The following LPP variants were observed in gnomAD, a reference collection of about 807,000 sequenced individuals.
LPP encodes the protein LIM domain containing preferred translocation partner in lipoma, also known as lipoma-preferred partner.
A neutral mutation model predicts 60.4 loss-of-function variants in LPP; 38 were observed. The ratio of observed to expected loss-of-function variants is 0.63; its 90% CI spans 0.49 to 0.83. The LOEUF (loss-of-function observed/expected upper bound fraction) is 0.83, where lower values mean the gene tolerates loss of function less well. Ranked by LOEUF, LPP falls within the 40% of genes least tolerant of loss-of-function variation. The pLI is 0.00. For synonymous variants in LPP, 328 were observed against 290.8 expected (o/e 1.13, Z -1.30); for missense variants, 902 against 783.6 (o/e 1.15, Z -1.80).
chr3:188,486,629 C>T lies in LPP; in HGVS notation c.306+1925C>T, dbSNP rs182203128. 7.8e-3 allele frequency among the ~76,000 whole-genome samples: 1,183 copies of T among 152,270 alleles called. 12 individuals carry two copies. The highest frequency in any genetic ancestry group is 0.012 in the Non-Finnish European group (784 of 68,010). On this transcript the variant is annotated intron_variant, in intron 5 of 11. Coordinates refer to ENST00000617246, the MANE Select transcript of LPP (RefSeq NM_001375462.1). Reference sequence around the variant, plus strand: ...AAGTAGAAAAGGCTTTTGATATTATCTATCATTTGAAATCAGTAAATTGCA... The same window carrying T: ...AAGTAGAAAAGGCTTTTGATATTATTTATCATTTGAAATCAGTAAATTGCA...
intron 5 of LPP, among the ~76,000 whole-genome samples, chr3:188,505,056 T>C (rs1813056777): frequency 6.6e-6 from 1 of 152,156 alleles, no homozygotes; most frequent in Non-Finnish European, 1.5e-5. Flanking sequence ...TATAGGTAGT[T>C]GCTATTGTGC....
chr3:188,496,217 C>T (rs1358625554), intron 5 of LPP, among the ~76,000 whole-genome samples: 3 of 152,052 alleles, frequency 2.0e-5, no homozygotes, highest in Non-Finnish European at 4.4e-5. Context: ...ACTCCACCTC[C>T]AGGGTTCAAG....
At chr3:188,511,547 C>T (rs1335444733) in intron 5 of LPP, among the ~76,000 whole-genome samples, 1 of 151,742 alleles carries the variant, frequency 6.6e-6, no homozygotes, top group Non-Finnish European at 1.5e-5. Context: ...GAAGGGAAGA[C>T]CTTTCACCTT....
chr3:188,168,508 C>T lies in LPP; in HGVS notation c.-190+14256C>T, dbSNP rs1720675998. On this transcript the variant is annotated intron_variant, in intron 1 of 11. Coordinates refer to ENST00000617246, the MANE Select transcript of LPP (RefSeq NM_001375462.1). ...GTTGTAAATATAATTCCTTCCTAGA[C>T]CTCTCTAATGCTTAAGTCTAAATTC... is the stretch of plus-strand genomic sequence containing the variant. Among the ~76,000 whole-genome samples the T allele has an allele frequency of 2.6e-5, 4 of 152,060 alleles. No homozygotes were observed. The South Asian group carries it at 8.3e-4, about 32-fold the overall frequency.
rs1481474464 is a variant in LPP at position 188,877,203 on chromosome 3, GT to G, written c.*2726del. 1.7e-5 allele frequency: 3 copies of G among 174,802 alleles called. No individual in the cohort carries two copies. Among genetic ancestry groups the G allele is most frequent in the African/African-American group, 7.1e-5 (3 of 41,980 alleles). The allele number at this position is 174,802 out of a possible 1,614,324, so 10.8% of individuals were successfully genotyped here. On this transcript the variant is annotated 3_prime_UTR_variant, in exon 12 of 12. Transcript: ENST00000617246. ...AACAATGCCAAGTCACTCTTTTTTA[GT>G]TGCATGAAATTTTGCCTGCAACAGA...
intron 3 of LPP, among the ~76,000 whole-genome samples, chr3:188,365,327 A>C (rs1203343511): frequency 6.6e-6 from 1 of 152,230 alleles, no homozygotes; most frequent in Non-Finnish European, 1.5e-5. Context: ...GGTCATTATG[A>C]CAACAGAGGA....
At chr3:188,570,773 T>A (rs192742990) in intron 6 of LPP, among the ~76,000 whole-genome samples, 1 of 151,868 alleles carries the variant, frequency 6.6e-6, no homozygotes, top group Non-Finnish European at 1.5e-5. Flanking sequence ...AAGCAATAGA[T>A]CTAGTAGACG....
intron 7 of LPP, among the ~76,000 whole-genome samples, chr3:188,687,493 T>A (rs188996456): frequency 8.0e-4 from 122 of 152,264 alleles, no homozygotes; most frequent in African/African-American, 2.8e-3. Context: ...TTTAAGGCAG[T>A]TTTCCTTGCT....
At chr3:188,157,349 G>A (rs1256762061) in intron 1 of LPP, among the ~76,000 whole-genome samples, 2 of 151,990 alleles carry the variant, frequency 1.3e-5, no homozygotes, top group African/African-American at 4.8e-5. Context: ...GTGGTGACGT[G>A]TGACTTTACC....
At chr3:188,789,634 A>T (rs1246356118) in intron 9 of LPP, among the ~76,000 whole-genome samples, 1 of 131,124 alleles carries the variant, frequency 7.6e-6, no homozygotes, top group African/African-American at 2.9e-5. Flanking sequence ...TAATCCTCAC[A>T]AAGTTGGAAA....
chr3:188,418,730 A>C (rs1371477653), intron 4 of LPP, among the ~76,000 whole-genome samples: 1 of 152,158 alleles, frequency 6.6e-6, no homozygotes, highest in Non-Finnish European at 1.5e-5. Flanking sequence ...ACAAATATAA[A>C]ACAGCCAAAG....
intron 7 of LPP, among the ~76,000 whole-genome samples, chr3:188,647,655 A>G (rs1225147530): frequency 6.6e-6 from 1 of 152,136 alleles, no homozygotes; most frequent in Non-Finnish European, 1.5e-5. Context: ...GGACCTCAGA[A>G]CAAGCATCAC....
At chr3:188,581,272 A>C (rs2150982048) in intron 6 of LPP, among the ~76,000 whole-genome samples, 1 of 152,118 alleles carries the variant, frequency 6.6e-6, no homozygotes, top group South Asian at 2.1e-4. Flanking sequence ...TGGTGACTGG[A>C]AGTGATGATA....
At chr3:188,817,023 TG>T (rs1176277839) in intron 9 of LPP, among the ~76,000 whole-genome samples, 2 of 152,212 alleles carry the variant, frequency 1.3e-5, no homozygotes, top group East Asian at 3.9e-4. Flanking sequence ...CCTTTTTGAT[TG>T]TTGCATGGAA....
chr3:188,495,855 A>T lies in LPP; in HGVS notation c.306+11151A>T, dbSNP rs531508485. 2.8e-4 allele frequency among the ~76,000 whole-genome samples: 43 copies of T among 152,288 alleles called. 1 individual carries two copies. Among genetic ancestry groups the T allele is most frequent in the African/African-American group, 1.0e-3 (42 of 41,564 alleles). ...AAGGGAGTAGAGGATGCTGACACCA[A>T]AAACCTAGGGCACTAACTCATATTT... On this transcript the variant is annotated intron_variant, in intron 5 of 11. Coordinates refer to ENST00000617246, the MANE Select transcript of LPP (RefSeq NM_001375462.1).
chr3:188,378,364 G>T (rs1578455538), intron 3 of LPP, among the ~76,000 whole-genome samples: 1 of 152,344 alleles, frequency 6.6e-6, no homozygotes, highest in Non-Finnish European at 1.5e-5. Flanking sequence ...CCGAGTTCAA[G>T]CTTCCTGGCC....
At chr3:188,707,324 C>T (rs770367948) in intron 7 of LPP, among the ~76,000 whole-genome samples, 5 of 152,060 alleles carry the variant, frequency 3.3e-5, no homozygotes, top group African/African-American at 4.8e-5. Context: ...CCCCAGTGGC[C>T]CTGCATGTCC....
At chr3:188,212,372 C>T (rs1181638487) in intron 1 of LPP, among the ~76,000 whole-genome samples, 1 of 152,024 alleles carries the variant, frequency 6.6e-6, no homozygotes, top group Admixed American at 6.6e-5. Flanking sequence ...GAGGTTTTTT[C>T]CTGGAATAGG....
intron 9 of LPP, among the ~76,000 whole-genome samples, chr3:188,850,188 G>A (rs1762396916): frequency 1.3e-5 from 2 of 152,202 alleles, no homozygotes; most frequent in Non-Finnish European, 2.9e-5. Flanking sequence ...CAGAGAAAAC[G>A]GGGAAGCTGA....
Sources: gnomAD v4.1 joint callset for allele counts (sites outside exome capture counted in the v4.1 genomes callset) on GRCh38, gnomAD v4.1.1 for gene constraint, MANE v1.5 for transcripts, NCBI Gene and HGNC (gene_info 2026-07-23, HGNC 2026-07-21) for gene names.